ANKS6: variants seen among roughly 807,000 people sequenced by gnomAD.
ANKS6 encodes ankyrin repeat and SAM domain-containing protein 6.
Under a neutral mutation model 77.9 loss-of-function variants are expected in ANKS6, and 47 were observed. The observed-to-expected ratio is 0.60, with a 90% CI of 0.48 to 0.77. The LOEUF (loss-of-function observed/expected upper bound fraction) is 0.77, where lower values mean the gene tolerates loss of function less well. Ranked by LOEUF, ANKS6 falls within the 30% of genes least tolerant of loss-of-function variation. The pLI, the probability that ANKS6 is intolerant of heterozygous loss-of-function variation, is 0.00. For synonymous variants in ANKS6, 488 were observed against 501.7 expected, an observed-to-expected ratio of 0.97 and a Z score of 0.37; for missense variants, 1,150 against 1,159.1, an observed-to-expected ratio of 0.99 and a Z score of 0.11.
At position 98,735,772 on chromosome 9, in the gene ANKS6, C is replaced by G; in HGVS notation, c.*747G>C. The G allele has an allele frequency of 8.1e-7, 1 of 1,231,758 alleles. No homozygotes were observed. The highest frequency in any genetic ancestry group is 1.0e-6 in the Non-Finnish European group (1 of 987,986). 76.3% of individuals were successfully genotyped at this position (1,231,758 alleles called of 1,614,324 possible). A position where few individuals can be genotyped will look rare whatever the true frequency, so the allele number is the denominator to read the frequency against. The stretch of plus-strand genomic sequence containing the variant: ...CACTTCTTTCCTTCTATAATAGACT[C>G]TCTTTGCAATAAAGAAAAATGCGTT... On this transcript the variant is annotated 3_prime_UTR_variant, in exon 15 of 15. Coordinates refer to ENST00000353234, the MANE Select transcript of ANKS6 (RefSeq NM_173551.5).
At chr9:98,755,421 G>C (rs1832646926) in intron 12 of ANKS6, among the ~76,000 whole-genome samples, 1 of 152,116 alleles carries the variant, frequency 6.6e-6, no homozygotes, top group Non-Finnish European at 1.5e-5. Flanking sequence ...AAAAGGATGG[G>C]ATTCCTTTCT....
intron 11 of ANKS6, among the ~76,000 whole-genome samples, chr9:98,761,550 A>G (rs1392239916): frequency 3.3e-5 from 5 of 152,174 alleles, no homozygotes; most frequent in Admixed American, 3.3e-4. Flanking sequence ...TTGAGTTCTG[A>G]TTAAGTCCAA....
intron 13 of ANKS6, among the ~76,000 whole-genome samples, chr9:98,749,759 G>C (rs1832330021): frequency 6.6e-6 from 1 of 152,176 alleles, no homozygotes; most frequent in Non-Finnish European, 1.5e-5. Flanking sequence ...ACTGTATATG[G>C]TAGAAAAGCA....
In ANKS6 at chr9:98,768,661, G is replaced by A. The variant is rs115838412; in HGVS notation, c.1973-411C>T. 6.9e-3 allele frequency among the ~76,000 whole-genome samples: 1,057 copies of A among 152,326 alleles called. 9 individuals carry two copies. The highest frequency in any genetic ancestry group is 0.024 in the African/African-American group (1,009 of 41,580). ...CTGCACCAGGGCTTCAGGAGGGCTA[G>A]TGAGTGATTGGTCCCTCACCCTTTG... On this transcript the variant is annotated intron_variant, in intron 10 of 14. Coordinates refer to ENST00000353234, the MANE Select transcript of ANKS6 (RefSeq NM_173551.5).
At position 98,788,706 on chromosome 9, in the gene ANKS6, A is replaced by G. The variant is rs1031251424; in HGVS notation, c.862+1398T>C. 3.3e-5 allele frequency among the ~76,000 whole-genome samples: 5 copies of G among 152,250 alleles called. No individual in the cohort carries two copies. The South Asian group carries it at 6.2e-4, about 19-fold the overall frequency. On this transcript the variant is annotated intron_variant, in intron 2 of 14. Transcript: ENST00000353234. ...TTCACAGATGAGGCAAAGGCTCAGA[A>G]GAGTCATGTGTTAAACCAGCTTCTA... is the stretch of plus-strand genomic sequence containing the variant.
intron 11 of ANKS6, among the ~76,000 whole-genome samples, chr9:98,762,341 T>C (rs940587866): frequency 1.3e-5 from 2 of 151,720 alleles, no homozygotes; most frequent in African/African-American, 4.8e-5. Context: ...TTCTTTGCAG[T>C]TTTCTATGTG....
chr9:98,747,241 T>C (rs1832184691), intron 13 of ANKS6, among the ~76,000 whole-genome samples: 1 of 152,136 alleles, frequency 6.6e-6, no homozygotes, highest in Non-Finnish European at 1.5e-5. Flanking sequence ...GGCTTTATTT[T>C]ATATTCCCTC....
At chr9:98,764,989 G>A (rs1250254810) in intron 11 of ANKS6, among the ~76,000 whole-genome samples, 1 of 152,128 alleles carries the variant, frequency 6.6e-6, no homozygotes, top group African/African-American at 2.4e-5. Context: ...AGCATAAATG[G>A]ATATATCTTT....
chr9:98,744,585 G>T (rs141304785), intron 14 of ANKS6, among the ~76,000 whole-genome samples: 61 of 152,328 alleles, frequency 4.0e-4, no homozygotes, highest in African/African-American at 1.4e-3. Flanking sequence ...TTTGCTGCTG[G>T]TGGTATGTGT....
Position 98,791,258 on chromosome 9 carries a change from A to G in ANKS6, c.360-652T>C, listed in dbSNP as rs1347163496. 6.6e-6 allele frequency among the ~76,000 whole-genome samples: 1 copy of G among 152,178 alleles called. No homozygotes were observed. The highest frequency in any genetic ancestry group is 1.5e-5 in the Non-Finnish European group (1 of 68,022). On this transcript the variant is annotated intron_variant, in intron 1 of 14. Transcript: ENST00000353234. This position sits in a 1 kb window ranked among gnomAD's most constrained non-coding sequence, Gnocchi z 4.3. Reference sequence around the variant, plus strand: ...TTCATTTCTACCCTCCCCATCCCCAAAAGCACACACCCCATGCCAAGAGGT... The same window carrying G: ...TTCATTTCTACCCTCCCCATCCCCAGAAGCACACACCCCATGCCAAGAGGT...
In ANKS6 at chr9:98,733,300, C is replaced by G. The variant is rs1831304175; in HGVS notation, c.*3219G>C. On this transcript the variant is annotated 3_prime_UTR_variant, in exon 15 of 15. Transcript: ENST00000353234. ...AGAGGCAGGAGCCCTCCGTGGCCAG[C>G]AGGGACTTGGACATCCAGCACTCAC... 1.0e-6 allele frequency: 1 copy of G among 985,414 alleles called. No homozygotes were observed. The highest frequency in any genetic ancestry group is 1.2e-6 in the Non-Finnish European group (1 of 830,000). The allele number at this position is 985,414 out of a possible 1,614,324, so 61.0% of individuals were successfully genotyped here.
At chr9:98,769,299 A>G (rs1833499115) in intron 10 of ANKS6, among the ~76,000 whole-genome samples, 1 of 152,170 alleles carries the variant, frequency 6.6e-6, no homozygotes, top group African/African-American at 2.4e-5. Context: ...AGGGCAAAAC[A>G]TATCAAAAAC....
chr9:98,758,964 C>T (rs909247856), intron 11 of ANKS6, among the ~76,000 whole-genome samples: 1 of 152,174 alleles, frequency 6.6e-6, no homozygotes, highest in African/African-American at 2.4e-5. Flanking sequence ...TTCTCCTCCA[C>T]CTCCTACAAT....
intron 11 of ANKS6, 26 bp downstream of exon 11, chr9:98,768,055 A>G: frequency 1.3e-6 from 2 of 1,586,920 alleles, no homozygotes; most frequent in Non-Finnish European, 1.7e-6. Context: ...TGAGTGTAAC[A>G]GGAGGAGGCC....
chr9:98,782,449 T>A lies in ANKS6; in HGVS notation c.1219+18A>T, dbSNP rs372791631. On this transcript the variant is annotated intron_variant, in intron 5 of 14. Transcript: ENST00000353234. ...AAACGCTGGGTAGATTTACAACCCT[T>A]TTCTTGAAATTACCTACCGGGATCA... 91 of 1,608,584 alleles carry A rather than the reference T, an allele frequency of 5.7e-5. No homozygotes were observed. In the African/African-American group the frequency reaches 1.1e-3, roughly 19 times the overall value.
intron 8 of ANKS6, 86 bp downstream of exon 8, chr9:98,777,318 AG>A (rs1174886135): frequency 2.8e-6 from 4 of 1,450,934 alleles, no homozygotes; most frequent in Admixed American, 1.7e-5. Flanking sequence ...CTACAAAGAC[AG>A]ACAAACACCT....
chr9:98,744,700 A>G (rs1832025075), intron 14 of ANKS6, among the ~76,000 whole-genome samples: 1 of 151,428 alleles, frequency 6.6e-6, no homozygotes, highest in Non-Finnish European at 1.5e-5. Context: ...CCCAAGGAAC[A>G]GCAACAAAAA....
intron 5 of ANKS6, 40 bp from the exon 6 acceptor site, chr9:98,780,377 C>G (rs1254185617): frequency 1.3e-6 from 2 of 1,540,728 alleles, no homozygotes; most frequent in Non-Finnish European, 1.8e-6. Context: ...GCAAATATGT[C>G]TGTTGGGCCA....
chr9:98,759,122 A>G lies in ANKS6; in HGVS notation c.2143-2519T>C, dbSNP rs1236929692. Among the ~76,000 whole-genome samples the G allele has an allele frequency of 4.6e-5, 7 of 152,224 alleles. No individual in the cohort carries two copies. In the East Asian group the frequency reaches 7.7e-4, roughly 17 times the overall value. ...CAATTCCATGGGATCTGAAAAACAC[A>G]TAGTGTTATGTATCCACCAAGAGGG... On this transcript the variant is annotated intron_variant, in intron 11 of 14. Coordinates refer to ENST00000353234, the MANE Select transcript of ANKS6 (RefSeq NM_173551.5).
Sources: allele counts gnomAD v4.1 joint callset (sites outside exome capture counted in the v4.1 genomes callset), GRCh38; gene constraint gnomAD v4.1.1; non-coding constraint Gnocchi (gnomAD v3.1); transcripts MANE v1.5; gene names NCBI Gene and HGNC (gene_info 2026-07-23, HGNC 2026-07-21).